MYO1D: variants seen among roughly 807,000 people sequenced by gnomAD.
The protein encoded by MYO1D is myosin ID, also known as unconventional myosin-Id.
In MYO1D, 83 loss-of-function variants were observed where a neutral mutation model predicts 122.0. The ratio of observed to expected loss-of-function variants is 0.68; its 90% CI spans 0.57 to 0.82. The LOEUF (loss-of-function observed/expected upper bound fraction) is 0.82, where lower values mean the gene tolerates loss of function less well. MYO1D is among the 40% of genes least tolerant of loss of function. The pLI, the probability that MYO1D is intolerant of heterozygous loss-of-function variation, is 0.00. For missense variants in MYO1D, 1,157 were observed against 1,269.5 expected (o/e 0.91, Z 1.35); for synonymous variants, 464 against 446.9 (o/e 1.04, Z -0.48).
chr17:32,628,508 AG>A, intron 20 of MYO1D, among the ~76,000 whole-genome samples: 1 of 152,192 alleles, frequency 6.6e-6, no homozygotes, highest in East Asian at 1.9e-4. Context: ...CTAATGGAAG[AG>A]GGGGAAAAAG....
intron 7 of MYO1D, among the ~76,000 whole-genome samples, chr17:32,766,237 T>C (rs1244101690): frequency 1.3e-5 from 2 of 152,106 alleles, no homozygotes; most frequent in Non-Finnish European, 2.9e-5. Flanking sequence ...TTGAGTCTAT[T>C]TATATTCCAC....
At chr17:32,614,878 C>T (rs887251297) in intron 20 of MYO1D, among the ~76,000 whole-genome samples, 4 of 152,218 alleles carry the variant, frequency 2.6e-5, no homozygotes, top group African/African-American at 9.6e-5. Flanking sequence ...GGTCAGCAGT[C>T]CTGGCTTGAG....
intron 16 of MYO1D, among the ~76,000 whole-genome samples, chr17:32,680,826 G>A (rs1462751358): frequency 6.6e-6 from 1 of 152,174 alleles, no homozygotes; most frequent in Non-Finnish European, 1.5e-5. Context: ...AGAAGGAATG[G>A]TACCAGTTCC....
At chr17:32,520,816 A>G (rs1361791298) in intron 21 of MYO1D, among the ~76,000 whole-genome samples, 1 of 152,256 alleles carries the variant, frequency 6.6e-6, no homozygotes, top group Non-Finnish European at 1.5e-5. Flanking sequence ...AAAATGATGA[A>G]TAAAAATAAT....
intron 13 of MYO1D, among the ~76,000 whole-genome samples, chr17:32,740,832 T>G (rs147580612): frequency 6.6e-6 from 1 of 152,200 alleles, no homozygotes; most frequent in East Asian, 1.9e-4. Context: ...AACCCTTATC[T>G]TAGAAGGGAA....
chr17:32,866,187 G>A (rs1339821401), intron 1 of MYO1D, among the ~76,000 whole-genome samples: 2 of 152,104 alleles, frequency 1.3e-5, no homozygotes, highest in East Asian at 3.9e-4. Flanking sequence ...TGGCTCCTCA[G>A]TAATGTCCCT....
At chr17:32,851,626 T>C (rs1245817305) in intron 1 of MYO1D, among the ~76,000 whole-genome samples, 1 of 152,204 alleles carries the variant, frequency 6.6e-6, no homozygotes, top group African/African-American at 2.4e-5. Context: ...CCCCAACCTT[T>C]TGTGCACCAG....
intron 16 of MYO1D, among the ~76,000 whole-genome samples, chr17:32,678,336 C>A (rs914328325): frequency 6.6e-6 from 1 of 151,424 alleles, no homozygotes; most frequent in Non-Finnish European, 1.5e-5. Context: ...CATACATGTG[C>A]CATGCTGGTG....
At chr17:32,871,217 C>G (rs1342921184) in intron 1 of MYO1D, among the ~76,000 whole-genome samples, 1 of 152,188 alleles carries the variant, frequency 6.6e-6, no homozygotes, top group Non-Finnish European at 1.5e-5. Context: ...ACACAACCCC[C>G]CCAGGGACTT....
chr17:32,652,912 C>T (rs1291136605), intron 19 of MYO1D, among the ~76,000 whole-genome samples: 5 of 152,144 alleles, frequency 3.3e-5, no homozygotes, highest in South Asian at 2.1e-4. Flanking sequence ...GAGGCCGAGG[C>T]GGGCGGATCA....
intron 16 of MYO1D, among the ~76,000 whole-genome samples, chr17:32,666,079 T>C (rs2088632052): frequency 6.6e-6 from 1 of 152,208 alleles, no homozygotes. Flanking sequence ...CTTCTTGCCA[T>C]CTATCAGAAT....
At chr17:32,851,951 T>C (rs1246883768) in intron 1 of MYO1D, among the ~76,000 whole-genome samples, 1 of 152,184 alleles carries the variant, frequency 6.6e-6, no homozygotes, top group African/African-American at 2.4e-5. Context: ...ATCTACAGCA[T>C]TTACTACTGC....
intron 1 of MYO1D, among the ~76,000 whole-genome samples, chr17:32,862,296 C>T (rs2091084313): frequency 1.3e-5 from 2 of 152,162 alleles, no homozygotes; most frequent in South Asian, 2.1e-4. Context: ...TTAGTATATT[C>T]CCCTTGCTGG....
intron 14 of MYO1D, chr17:32,734,915 C>CA (rs58190363): frequency 0.044 from 6,095 of 137,482 alleles, 333 homozygotes; most frequent in African/African-American, 0.13. Flanking sequence ...ACTAAAAATA[C>CA]AAAAAAAAAA....
chr17:32,570,387 C>CA lies in MYO1D; in HGVS notation c.2864+34699dup, dbSNP rs151317220. On this transcript the variant is annotated intron_variant, in intron 21 of 21. Transcript: ENST00000318217. ...TTAAAAAAAATTTTTTTTTTTGAGA[C>CA]AGAGTCTCGCTGTGTCGCCCAGGCT... is the stretch of plus-strand genomic sequence containing the variant. Among the ~76,000 whole-genome samples the CA allele has an allele frequency of 6.3e-3, 959 of 151,992 alleles. 6 individuals carry two copies. Among genetic ancestry groups the CA allele is most frequent in the African/African-American group, 0.022 (907 of 41,432 alleles).
chr17:32,596,097 A>G (rs190731363), intron 21 of MYO1D, among the ~76,000 whole-genome samples: 6 of 152,342 alleles, frequency 3.9e-5, no homozygotes, highest in South Asian at 2.1e-4. Flanking sequence ...TCTGTCCCCC[A>G]TAAGTCAGGT....
intron 21 of MYO1D, among the ~76,000 whole-genome samples, chr17:32,578,029 G>A (rs926815892): frequency 1.3e-5 from 2 of 152,176 alleles, no homozygotes; most frequent in Admixed American, 6.5e-5. Context: ...GTGAGCCACC[G>A]CGCCCAGCCT....
intron 1 of MYO1D, 51 bp downstream of exon 1, chr17:32,876,727 T>G: frequency 1.4e-6 from 2 of 1,429,292 alleles, no homozygotes; most frequent in South Asian, 2.6e-5. Flanking sequence ...AGGCGCCCCC[T>G]CTCGGGAAAG....
At chr17:32,598,346 C>A (rs1402405503) in intron 21 of MYO1D, among the ~76,000 whole-genome samples, 2 of 152,132 alleles carry the variant, frequency 1.3e-5, no homozygotes, top group Non-Finnish European at 2.9e-5. Context: ...TGCACTCCAG[C>A]CTGGGTGACA....
Sources: allele counts gnomAD v4.1 joint callset (sites outside exome capture counted in the v4.1 genomes callset), GRCh38; gene constraint gnomAD v4.1.1; transcripts MANE v1.5; gene names NCBI Gene and HGNC (gene_info 2026-07-23, HGNC 2026-07-21).